RORA: variants seen among roughly 807,000 people sequenced by gnomAD.
RORA encodes RAR related orphan receptor A, also known as nuclear receptor ROR-alpha.
In RORA, 7 loss-of-function variants were observed where a neutral mutation model predicts 69.5. The ratio of observed to expected loss-of-function variants is 0.10; its 90% CI spans 0.06 to 0.19. The LOEUF (loss-of-function observed/expected upper bound fraction) is 0.19, where lower values mean the gene tolerates loss of function less well. RORA is among the 10% of genes least tolerant of loss of function. The pLI is 1.00. For synonymous variants in RORA, 261 were observed against 240.8 expected (o/e 1.08, Z -0.78); for missense variants, 457 against 663.0 (o/e 0.69, Z 3.41).
intron 5 of RORA, among the ~76,000 whole-genome samples, chr15:60,508,779 C>T (rs1360445119): frequency 1.3e-5 from 2 of 152,202 alleles, no homozygotes; most frequent in African/African-American, 4.8e-5. Context: ...TTGTCTCATG[C>T]TTTGCCCAGT....
At chr15:60,768,647 A>G (rs894127788) in intron 1 of RORA, among the ~76,000 whole-genome samples, 19 of 152,368 alleles carry the variant, frequency 1.2e-4, no homozygotes, top group African/African-American at 4.1e-4. Flanking sequence ...ACCAAACCAG[A>G]GGCCAAAGCT....
In RORA at chr15:60,890,424, C is replaced by A. The variant is rs1281180788; in HGVS notation, c.167-211738G>T. ...TGCATGCTTGCCATCAAGAGGTGTA[C>A]CGCTTGTCCACACCATCTCCGCTTT... On this transcript the variant is annotated intron_variant, in intron 1 of 10. Transcript: ENST00000335670. Among the ~76,000 whole-genome samples the A allele has an allele frequency of 2.0e-5, 3 of 152,314 alleles. No homozygotes were observed. In the East Asian group the frequency reaches 5.8e-4, roughly 29 times the overall value.
chr15:60,688,225 G>T (rs1487890090), intron 1 of RORA, among the ~76,000 whole-genome samples: 6 of 151,354 alleles, frequency 4.0e-5, no homozygotes, highest in Non-Finnish European at 2.9e-5. Context: ...AAAATTCAAA[G>T]TCCCAAAGCA....
intron 1 of RORA, among the ~76,000 whole-genome samples, chr15:60,899,121 T>C (rs1891315021): frequency 6.6e-6 from 1 of 152,210 alleles, no homozygotes; most frequent in African/African-American, 2.4e-5. Context: ...AGAAACCACG[T>C]CTTATCCTTG....
chr15:60,881,022 G>T (rs1177394488), intron 1 of RORA, among the ~76,000 whole-genome samples: 1 of 152,154 alleles, frequency 6.6e-6, no homozygotes, highest in Admixed American at 6.5e-5. Context: ...ACTCCTCAAT[G>T]GTTAGACAAA....
chr15:60,552,983 G>A (rs1006381717), intron 2 of RORA, among the ~76,000 whole-genome samples: 1 of 152,034 alleles, frequency 6.6e-6, no homozygotes, highest in Non-Finnish European at 1.5e-5. Flanking sequence ...TGTGATCATG[G>A]GCAAGTTATT....
intron 1 of RORA, among the ~76,000 whole-genome samples, chr15:60,689,354 C>A (rs900299799): frequency 6.6e-6 from 1 of 152,188 alleles, no homozygotes; most frequent in African/African-American, 2.4e-5. Context: ...GGATGAGACA[C>A]TAAGGTGGCC....
At chr15:61,108,932 C>T (rs981380207) in intron 1 of RORA, among the ~76,000 whole-genome samples, 1 of 152,178 alleles carries the variant, frequency 6.6e-6, no homozygotes, top group East Asian at 1.9e-4. Flanking sequence ...GGCACCGTGG[C>T]TCACACCTGT....
intron 2 of RORA, among the ~76,000 whole-genome samples, chr15:60,603,553 A>C (rs555598679): frequency 6.6e-6 from 1 of 152,242 alleles, no homozygotes; most frequent in African/African-American, 2.4e-5. Flanking sequence ...ATAGAGGGTT[A>C]AGTTTCTGTG....
chr15:61,143,173 T>C (rs933062818), intron 1 of RORA, among the ~76,000 whole-genome samples: 5 of 152,154 alleles, frequency 3.3e-5, no homozygotes, highest in Non-Finnish European at 5.9e-5. Context: ...AAATAGCTTA[T>C]ATAAACAAAA....
intron 2 of RORA, among the ~76,000 whole-genome samples, chr15:60,572,176 C>A (rs1350833567): frequency 6.6e-6 from 1 of 152,170 alleles, no homozygotes; most frequent in African/African-American, 2.4e-5. Context: ...AGTTGAGTAG[C>A]TTTAAATGTA....
chr15:61,074,808 C>A (rs966048636), intron 1 of RORA, among the ~76,000 whole-genome samples: 1 of 152,026 alleles, frequency 6.6e-6, no homozygotes, highest in Admixed American at 6.6e-5. Flanking sequence ...TTGGAGAAGT[C>A]GGGTGTGGTG....
chr15:60,949,813 A>G (rs1265251110), intron 1 of RORA, among the ~76,000 whole-genome samples: 5 of 152,180 alleles, frequency 3.3e-5, no homozygotes, highest in African/African-American at 1.2e-4. Flanking sequence ...TAAGGCTTCC[A>G]TTTCATACCA....
At chr15:60,510,437 C>T (rs1419186633) in intron 5 of RORA, 1 of 152,180 alleles carries the variant, frequency 6.6e-6, no homozygotes, top group Non-Finnish European at 1.5e-5. Context: ...AGTAATGTTC[C>T]AGCAATAAGA....
chr15:60,514,465 T>G, intron 4 of RORA, 151 bp downstream of exon 4: 2 of 709,430 alleles, frequency 2.8e-6, no homozygotes, highest in Non-Finnish European at 4.7e-6. Flanking sequence ...GTGAGTTCCA[T>G]GTAGCTGCCA....
intron 1 of RORA, among the ~76,000 whole-genome samples, chr15:61,017,759 G>T (rs1044681602): frequency 4.6e-5 from 7 of 152,190 alleles, no homozygotes; most frequent in Non-Finnish European, 8.8e-5. Flanking sequence ...TATGAAAAAT[G>T]ATGACGTGCC....
Position 60,818,276 on chromosome 15 carries a change from A to T in RORA, c.167-139590T>A, listed in dbSNP as rs548132852. ...TGCCAACCTAATAATAATATGTTAA[A>T]ATGCAAAAAATAAAATCATCCTTAA... On this transcript the variant is annotated intron_variant, in intron 1 of 10. Transcript: ENST00000335670. Among the ~76,000 whole-genome samples, 322 of 152,350 alleles carry T rather than the reference A, an allele frequency of 2.1e-3. 1 individual carries two copies. Among genetic ancestry groups the T allele is most frequent in the African/African-American group, 7.5e-3 (312 of 41,588 alleles).
rs548349561 is a variant in RORA, at chr15:61,061,194, C to A, written c.166+167859G>T. On this transcript the variant is annotated intron_variant, in intron 1 of 10. Coordinates refer to ENST00000335670, the MANE Select transcript of RORA (RefSeq NM_134261.3). The surrounding 1 kb of genome is among the most constrained non-coding windows in gnomAD (Gnocchi z 4.4). ...TGGTGAAACCCCGTCTCTACTAAAA[C>A]CACAAAACATTAGCCGGGCATGGTG... 4.5e-4 allele frequency among the ~76,000 whole-genome samples: 69 copies of A among 151,886 alleles called. No homozygotes were observed. Among genetic ancestry groups the A allele is most frequent in the African/African-American group, 1.6e-3 (68 of 41,420 alleles).
At chr15:60,891,148 G>A (rs2073809102) in intron 1 of RORA, among the ~76,000 whole-genome samples, 1 of 152,214 alleles carries the variant, frequency 6.6e-6, no homozygotes. Flanking sequence ...TCTACCATGT[G>A]TGAGCCAATA....
Sources: allele counts gnomAD v4.1 joint callset (sites outside exome capture counted in the v4.1 genomes callset), GRCh38; gene constraint gnomAD v4.1.1; non-coding constraint Gnocchi (gnomAD v3.1); transcripts MANE v1.5; gene names NCBI Gene and HGNC (gene_info 2026-07-23, HGNC 2026-07-21).